Variants in SLC44A5 observed in about 807,000 individuals in gnomAD.
SLC44A5 encodes solute carrier family 44 member 5.
A neutral mutation model predicts 101.8 loss-of-function variants in SLC44A5; 57 were observed. The observed-to-expected ratio is 0.56, with a 90% CI of 0.45 to 0.70. SLC44A5 has a LOEUF of 0.70. SLC44A5 is among the 30% of genes least tolerant of loss of function. The pLI is 0.00. For synonymous variants in SLC44A5, 281 were observed against 290.9 expected, an observed-to-expected ratio of 0.97 and a Z score of 0.35; for missense variants, 737 against 853.1, an observed-to-expected ratio of 0.86 and a Z score of 1.70.
rs1416643130 is a variant in SLC44A5 at position 75,300,687 on chromosome 1, T to C, written c.102-2A>G. The C allele has an allele frequency of 1.9e-6, 3 of 1,567,352 alleles. No individual in the cohort carries two copies. The highest frequency in any genetic ancestry group is 2.6e-6 in the Non-Finnish European group (3 of 1,159,860). Reference sequence around the variant, plus strand: ...CAGCACAGAACATCTGTACAACTCCTAAAGACAAAAAAAGAAATAAATAAT... The same window carrying C: ...CAGCACAGAACATCTGTACAACTCCCAAAGACAAAAAAAGAAATAAATAAT... On this transcript the variant is annotated splice_acceptor_variant, in intron 4 of 23. Coordinates refer to ENST00000370859, the MANE Select transcript of SLC44A5 (RefSeq NM_001130058.2). LOFTEE classifies it high-confidence loss of function.
chr1:75,465,610 AC>A (rs1380875688), intron 2 of SLC44A5, among the ~76,000 whole-genome samples: 14 of 152,086 alleles, frequency 9.2e-5, no homozygotes, highest in African/African-American at 2.9e-4. Context: ...GTTTTAAAAA[AC>A]ATAAACAAAA....
chr1:75,207,654 CG>C (rs1298402449), intron 23 of SLC44A5, among the ~76,000 whole-genome samples: 1 of 152,146 alleles, frequency 6.6e-6, no homozygotes, highest in Non-Finnish European at 1.5e-5. Flanking sequence ...ACATGATAGA[CG>C]CTGAACATTT....
intron 5 of SLC44A5, among the ~76,000 whole-genome samples, chr1:75,299,778 A>AG (rs1187401094): frequency 9.2e-5 from 14 of 151,742 alleles, no homozygotes; most frequent in East Asian, 1.9e-4. Context: ...TGGGAGGCCG[A>AG]GGGGGGCAGA....
chr1:75,652,611 A>T, the SLC44A5 span, among the ~76,000 whole-genome samples: 1 of 152,200 alleles, frequency 6.6e-6, no homozygotes, highest in Non-Finnish European at 1.5e-5. Context: ...CCTGGGCAGC[A>T]TAGCAAGACC....
chr1:75,710,555 C>T, the SLC44A5 span: 4 of 108,472 alleles, frequency 3.7e-5, no homozygotes, highest in Non-Finnish European at 7.1e-5. Flanking sequence ...CAGAGAGAGA[C>T]CCTACCTAAA....
the SLC44A5 span, among the ~76,000 whole-genome samples, chr1:75,660,010 C>T: frequency 2.0e-5 from 3 of 152,078 alleles, no homozygotes; most frequent in South Asian, 2.1e-4. Flanking sequence ...TAGAGACCAG[C>T]CTGGGAAACA....
chr1:75,286,205 C>A, intron 5 of SLC44A5, among the ~76,000 whole-genome samples: 1 of 152,072 alleles, frequency 6.6e-6, no homozygotes. Flanking sequence ...TGGACTAGTT[C>A]TTTTATCATT....
intron 2 of SLC44A5, among the ~76,000 whole-genome samples, chr1:75,418,580 GT>G (rs1452049332): frequency 6.6e-6 from 1 of 152,098 alleles, no homozygotes; most frequent in African/African-American, 2.4e-5. Flanking sequence ...AGCATGCATG[GT>G]AGGTCTGAGG....
the SLC44A5 span, among the ~76,000 whole-genome samples, chr1:75,719,686 C>T: frequency 6.6e-6 from 1 of 152,066 alleles, no homozygotes; most frequent in African/African-American, 2.4e-5. Flanking sequence ...GATTGTAATC[C>T]TTGTGTGGAT....
chr1:75,692,385 C>T, the SLC44A5 span, among the ~76,000 whole-genome samples: 4 of 151,568 alleles, frequency 2.6e-5, no homozygotes, highest in East Asian at 1.9e-4. Flanking sequence ...TTAATAAAGA[C>T]GGGGTTTCAC....
chr1:75,682,727 A>G, the SLC44A5 span, among the ~76,000 whole-genome samples: 22 of 150,148 alleles, frequency 1.5e-4, no homozygotes, highest in Non-Finnish European at 3.0e-4. Flanking sequence ...ACCAAAAGCA[A>G]TGGCAACAAA....
intron 3 of SLC44A5, among the ~76,000 whole-genome samples, chr1:75,386,409 CCAA>C (rs1661351340): frequency 6.6e-6 from 1 of 152,076 alleles, no homozygotes. Context: ...TTCCTATACA[CCAA>C]CAACAGACAA....
chr1:75,711,461 C>G, the SLC44A5 span, among the ~76,000 whole-genome samples: 1 of 152,128 alleles, frequency 6.6e-6, no homozygotes, highest in Non-Finnish European at 1.5e-5. Flanking sequence ...TAGTTTTATT[C>G]AGAAATCTTA....
At chr1:75,211,711 G>A (rs1333149499) in intron 22 of SLC44A5, among the ~76,000 whole-genome samples, 159 bp from the exon 23 acceptor site, 1 of 152,114 alleles carries the variant, frequency 6.6e-6, no homozygotes, top group Non-Finnish European at 1.5e-5. Flanking sequence ...TAATGCTTCT[G>A]CATACTTTGT....
chr1:75,333,338 C>A (rs908638764), intron 4 of SLC44A5, among the ~76,000 whole-genome samples: 1 of 152,022 alleles, frequency 6.6e-6, no homozygotes, highest in Non-Finnish European at 1.5e-5. Context: ...AGCAAATGGC[C>A]TAATGTGATT....
chr1:75,634,279 T>G, the SLC44A5 span, among the ~76,000 whole-genome samples: 1 of 152,160 alleles, frequency 6.6e-6, no homozygotes, highest in Admixed American at 6.6e-5. Flanking sequence ...TTGATTGGAA[T>G]AGTTTCAGAA....
rs116071432 is a variant in SLC44A5, at chr1:75,281,523, C to T, written c.176-6481G>A. Among the ~76,000 whole-genome samples, 1,478 of 151,676 alleles carry T rather than the reference C, an allele frequency of 9.7e-3. 32 individuals are homozygous for T. The highest frequency in any genetic ancestry group is 0.034 in the African/African-American group (1,401 of 41,420). On this transcript the variant is annotated intron_variant, in intron 5 of 23. Transcript: ENST00000370859. ...AAGTATCAAGCAGCCAGATGTTAAC[C>T]ACCAAGATAAAGGGGAAAATGTCTC...
intron 4 of SLC44A5, among the ~76,000 whole-genome samples, chr1:75,326,814 G>C (rs1247247945): frequency 6.6e-6 from 1 of 152,158 alleles, no homozygotes; most frequent in East Asian, 1.9e-4. Flanking sequence ...TTGTATGGTT[G>C]CAACTTTAGC....
the SLC44A5 span, among the ~76,000 whole-genome samples, chr1:75,678,737 C>T: frequency 1.3e-5 from 2 of 151,758 alleles, no homozygotes; most frequent in Admixed American, 1.3e-4. Flanking sequence ...AGCTCCTCAC[C>T]AGCAATGGAA....
Sources: allele counts gnomAD v4.1 joint callset (sites outside exome capture counted in the v4.1 genomes callset), GRCh38; gene constraint gnomAD v4.1.1; transcripts MANE v1.5; gene names NCBI Gene and HGNC (gene_info 2026-07-23, HGNC 2026-07-21).